Variants in FLVCR1 observed in about 807,000 individuals in gnomAD.
The protein encoded by FLVCR1 is choline/ethanolamine transporter FLVCR1.
In FLVCR1, 34 loss-of-function variants were observed where a neutral mutation model predicts 53.6. That is an observed-to-expected ratio of 0.63 (90% CI 0.48 to 0.84). FLVCR1 has a LOEUF of 0.84. Ranked by LOEUF, FLVCR1 falls within the 40% of genes least tolerant of loss-of-function variation. The probability of loss-of-function intolerance (pLI) is 0.00; values close to 1 mark genes in which losing one functional copy is unlikely to be tolerated. For missense variants in FLVCR1, 677 were observed against 696.7 expected, an observed-to-expected ratio of 0.97 and a Z score of 0.32; for synonymous variants, 300 against 286.3, an observed-to-expected ratio of 1.05 and a Z score of -0.48.
rs569807602 is a variant in FLVCR1 at position 212,890,617 on chromosome 1, C to T, written c.1525+1360C>T. On this transcript the variant is annotated intron_variant, in intron 8 of 9. Transcript: ENST00000366971. ...ATTTCATATAAAGGCCTTGAGCATT[C>T]GTGGATTTTGGTATCTGAGGTGGGG... 2.1e-3 allele frequency among the ~76,000 whole-genome samples: 315 copies of T among 152,278 alleles called. 1 individual carries two copies. Among genetic ancestry groups the T allele is most frequent in the African/African-American group, 7.1e-3 (293 of 41,558 alleles).
chr1:212,876,654 T>A (rs1284774801), intron 3 of FLVCR1, among the ~76,000 whole-genome samples: 1 of 152,162 alleles, frequency 6.6e-6, no homozygotes, highest in Non-Finnish European at 1.5e-5. Flanking sequence ...TGTGAGCCAC[T>A]GCGCCCGGCC....
chr1:212,881,861 A>G (rs1365971959), intron 3 of FLVCR1, among the ~76,000 whole-genome samples: 3 of 152,234 alleles, frequency 2.0e-5, no homozygotes, highest in Non-Finnish European at 2.9e-5. Flanking sequence ...CAGAAAGAGC[A>G]AACAATCCAA....
Position 212,858,378 on chromosome 1 carries a change from C to G in FLVCR1, c.-75C>G. The G allele has an allele frequency of 1.5e-6, 2 of 1,356,284 alleles. No homozygotes were observed. The highest frequency in any genetic ancestry group is 1.9e-6 in the Non-Finnish European group (2 of 1,032,540). The allele number at this position is 1,356,284 out of a possible 1,614,324, so 84.0% of individuals were successfully genotyped here. A position where few individuals can be genotyped will look rare whatever the true frequency, so the allele number is the denominator to read the frequency against. On this transcript the variant is annotated 5_prime_UTR_variant, in exon 1 of 10. Coordinates refer to ENST00000366971, the MANE Select transcript of FLVCR1 (RefSeq NM_014053.4). Reference sequence around the variant, plus strand: ...GGTTGGAGGTGGGGCCCCAGGAGGACCTCGGGCTGTGGGCCGGGAGAGCGG... The same window carrying G: ...GGTTGGAGGTGGGGCCCCAGGAGGAGCTCGGGCTGTGGGCCGGGAGAGCGG...
chr1:212,872,283 ATGT>A (rs1664622554), intron 2 of FLVCR1, among the ~76,000 whole-genome samples: 2 of 152,122 alleles, frequency 1.3e-5, no homozygotes, highest in Non-Finnish European at 2.9e-5. Context: ...CCCAGCCTTC[ATGT>A]TTATCTCTAA....
chr1:212,880,699 G>A (rs1167701065), intron 3 of FLVCR1, among the ~76,000 whole-genome samples: 1 of 151,792 alleles, frequency 6.6e-6, no homozygotes, highest in Non-Finnish European at 1.5e-5. Context: ...TCAGGAGGCT[G>A]AGGCAGGAGA....
At position 212,858,299 on chromosome 1, in the gene FLVCR1, G is replaced by T. The variant is rs554048351; in HGVS notation, c.-154G>T. ...GAGACCTTCATCTGTTCACGCGGTAGCGCGGATTGCGGTTCGCGGCGCGCG... is the reference window on the plus strand; with the variant it reads ...GAGACCTTCATCTGTTCACGCGGTATCGCGGATTGCGGTTCGCGGCGCGCG... On this transcript the variant is annotated 5_prime_UTR_variant, in exon 1 of 10. Coordinates refer to ENST00000366971, the MANE Select transcript of FLVCR1 (RefSeq NM_014053.4). 41 of 734,726 alleles carry T rather than the reference G, an allele frequency of 5.6e-5. No individual in the cohort carries two copies. The East Asian group carries it at 5.6e-4, about 10-fold the overall frequency. The allele number at this position is 734,726 out of a possible 1,614,324, so 45.5% of individuals were successfully genotyped here.
Position 212,858,780 on chromosome 1 carries a change from G to A in FLVCR1, c.328G>A (p.Val110Met). ...GGCGCTCTCCCCGCGGCGCTTCGTG[G>A]TGCTCCTGATCTTCAGCCTGTACTC... ...LTALSPRRFVVLLIFSLYSLV... is the reference protein window; with the variant it reads ...LTALSPRRFVMLLIFSLYSLV... Residue 110 changes from valine to methionine, a missense_variant, in exon 1 of 10, where the codon GTG becomes ATG. Physicochemically the swap from Val to Met is conservative, Grantham distance 21. Transcript: ENST00000366971. The A allele has an allele frequency of 6.2e-7, 1 of 1,614,160 alleles. No individual in the cohort carries two copies. The highest frequency in any genetic ancestry group is 8.5e-7 in the Non-Finnish European group (1 of 1,180,038).
chr1:212,894,067 A>G (rs527357791), intron 8 of FLVCR1, among the ~76,000 whole-genome samples: 2 of 149,746 alleles, frequency 1.3e-5, no homozygotes, highest in Non-Finnish European at 3.0e-5. Context: ...TGAGCCACTG[A>G]GCCTGGCCAG....
At chr1:212,876,486 C>T (rs1244096880) in intron 3 of FLVCR1, among the ~76,000 whole-genome samples, 3 of 151,986 alleles carry the variant, frequency 2.0e-5, no homozygotes, top group Admixed American at 6.6e-5. Context: ...CTGCCTCAGC[C>T]TCCCGAGTAG....
At chr1:212,886,537 T>G (rs961591991) in intron 5 of FLVCR1, among the ~76,000 whole-genome samples, 3 of 152,138 alleles carry the variant, frequency 2.0e-5, no homozygotes, top group African/African-American at 7.2e-5. Context: ...CAATGTCTTA[T>G]GCCTGTAATC....
intron 2 of FLVCR1, among the ~76,000 whole-genome samples, chr1:212,871,206 CCTT>C (rs1415471341): frequency 3.9e-5 from 6 of 152,164 alleles, no homozygotes; most frequent in South Asian, 4.1e-4. Context: ...TATGTGAAAA[CCTT>C]CTATTGATAC....
chr1:212,885,547 T>C (rs925797231), intron 5 of FLVCR1, 151 bp downstream of exon 5: 2 of 405,074 alleles, frequency 4.9e-6, no homozygotes, highest in African/African-American at 3.0e-5. Flanking sequence ...TTAACAAGTG[T>C]TTCTTTTTTT....
intron 5 of FLVCR1, among the ~76,000 whole-genome samples, chr1:212,885,803 G>A (rs910173752): frequency 3.3e-5 from 5 of 151,728 alleles, no homozygotes; most frequent in South Asian, 2.1e-4. Flanking sequence ...CACCCGCCTC[G>A]ACCTCCCAAA....
intron 2 of FLVCR1, among the ~76,000 whole-genome samples, chr1:212,870,654 T>A (rs543594508): frequency 5.7e-4 from 87 of 152,180 alleles, no homozygotes; most frequent in Admixed American, 1.9e-3. Context: ...TTAAAAAAAA[T>A]TTTTTTTCTT....
intron 1 of FLVCR1, among the ~76,000 whole-genome samples, chr1:212,861,658 T>A (rs1664243423): frequency 6.6e-6 from 1 of 151,988 alleles, no homozygotes; most frequent in Non-Finnish European, 1.5e-5. Flanking sequence ...AGCTTTTTGT[T>A]TTATTTTTAT....
rs779426165 is a variant in FLVCR1 at position 212,858,868 on chromosome 1, A to G, written c.416A>G (p.Tyr139Cys). 4.3e-6 allele frequency: 7 copies of G among 1,614,088 alleles called. No individual in the cohort carries two copies. In the East Asian group the frequency reaches 1.1e-4, roughly 26 times the overall value. ...ATTAGCAACGTCTTCGAGGGCTTCT[A>G]CGGTGTCACCTTGCTGCACATCGAC... ...SIISNVFEGF[Y>C]GVTLLHIDWL... Residue 139 changes from tyrosine to cysteine, a missense_variant, in exon 1 of 10, where the codon TAC (tyrosine) becomes TGC (cysteine). Tyr to Cys is a radical substitution (Grantham distance 194, BLOSUM62 -2). Coordinates refer to ENST00000366971, the MANE Select transcript of FLVCR1 (RefSeq NM_014053.4).
intron 2 of FLVCR1, among the ~76,000 whole-genome samples, chr1:212,866,245 A>T (rs1226220194): frequency 2.0e-5 from 3 of 151,846 alleles, no homozygotes; most frequent in Admixed American, 2.0e-4. Context: ...TTGGCCTCCC[A>T]AAGTGCTGGA....
rs1178034025 is a variant in FLVCR1, at chr1:212,858,469, A to G, written c.17A>G (p.Asp6Gly). MARPD[D>G]EEGAAVAPGH... ...GCCTGGGATATGGCGCGGCCAGACG[A>G]TGAGGAGGGGGCGGCGGTGGCGCCC... is the stretch of plus-strand genomic sequence containing the variant. The change falls in exon 1 of 10, where the codon GAT becomes GGT. Residue 6 changes from aspartate to glycine, a missense_variant. By Grantham distance (94) the Asp-to-Gly change is moderately conservative. Coordinates refer to ENST00000366971, the MANE Select transcript of FLVCR1 (RefSeq NM_014053.4). 16 of 1,439,788 alleles carry G rather than the reference A, an allele frequency of 1.1e-5. No homozygotes were observed. Among genetic ancestry groups the G allele is most frequent in the Non-Finnish European group, 1.5e-5 (16 of 1,101,910 alleles). 89.2% of individuals were successfully genotyped at this position (1,439,788 alleles called of 1,614,324 possible). A position where few individuals can be genotyped will look rare whatever the true frequency, so the allele number is the denominator to read the frequency against.
chr1:212,872,899 T>A, intron 3 of FLVCR1, 81 bp downstream of exon 3: 1 of 1,501,810 alleles, frequency 6.7e-7, no homozygotes, highest in Non-Finnish European at 9.2e-7. Context: ...ACCTAGTGGT[T>A]TGAACTTCAA....
Sources: gnomAD v4.1 joint callset for allele counts (sites outside exome capture counted in the v4.1 genomes callset) on GRCh38, gnomAD v4.1.1 for gene constraint, MANE v1.5 for transcripts, NCBI Gene and HGNC (gene_info 2026-07-23, HGNC 2026-07-21) for gene names.